The following DELE1 variants were observed in gnomAD, a reference collection of about 807,000 sequenced individuals.
The protein encoded by DELE1 is death ligand signal enhancer.
DELE1 carries 54 observed loss-of-function variants against 59.3 expected under a neutral mutation model. The ratio of observed to expected loss-of-function variants is 0.91; its 90% confidence interval spans 0.73 to 1.14. The LOEUF (loss-of-function observed/expected upper bound fraction) is 1.14, where lower values mean the gene tolerates loss of function less well. DELE1 is among the 50% of genes most tolerant of loss of function. The pLI, the probability that DELE1 is intolerant of heterozygous loss-of-function variation, is 0.00. For missense variants in DELE1, 636 were observed against 643.9 expected (o/e 0.99, Z 0.13); for synonymous variants, 264 against 259.1 (o/e 1.02, Z -0.18).
intron 2 of DELE1, 62 bp downstream of exon 2, chr5:141,924,757 T>TA (rs1408830442): frequency 1.7e-6 from 2 of 1,149,112 alleles, no homozygotes; most frequent in Non-Finnish European, 2.5e-6. Flanking sequence ...TTTATTTTTT[T>TA]TTTTTTGTTG....
intron 4 of DELE1, among the ~76,000 whole-genome samples, chr5:141,929,308 G>A (rs1751689400): frequency 6.6e-6 from 1 of 152,156 alleles, no homozygotes; most frequent in South Asian, 2.1e-4. Flanking sequence ...GAGTGCAGTG[G>A]TGTGATCTTG....
At chr5:141,928,897 G>T (rs892730476) in intron 4 of DELE1, among the ~76,000 whole-genome samples, 3 of 149,656 alleles carry the variant, frequency 2.0e-5, no homozygotes, top group Non-Finnish European at 4.4e-5. Flanking sequence ...CACATAGTAA[G>T]TGTGTAGTAA....
At chr5:141,924,830 A>C in intron 2 of DELE1, 135 bp downstream of exon 2, 1 of 608,910 alleles carries the variant, frequency 1.6e-6, no homozygotes, top group Non-Finnish European at 2.9e-6. Context: ...ATCTCAGCTC[A>C]CTGCAACCTC....
At chr5:141,932,750 G>C (rs1346044659) in intron 7 of DELE1, among the ~76,000 whole-genome samples, 2 of 152,140 alleles carry the variant, frequency 1.3e-5, no homozygotes, top group Admixed American at 1.3e-4. Context: ...TTATAGTAGG[G>C]CAGAACCCAC....
rs771049631 is a variant in DELE1, at chr5:141,938,663, T to A, written c.1452T>A (p.Ser484Arg). Residue 484 changes from serine (S) to arginine (R), a missense_variant, in exon 12 of 12, where the codon AGT (serine) becomes AGA (arginine). Transcript: ENST00000432126. ...STGNLGLLCRSGHLGASLEAS... is the reference protein window; with the variant it reads ...STGNLGLLCRRGHLGASLEAS... ...GCAACCTTGGCCTCCTCTGCAGAAG[T>A]GGGCATCTCGGAGCCAGCCTGGAAG... is the stretch of plus-strand genomic sequence containing the variant. 28 of 1,613,990 alleles carry A rather than the reference T, an allele frequency of 1.7e-5. No homozygotes were observed. The highest frequency in any genetic ancestry group is 2.7e-5 in the African/African-American group (2 of 74,900).
chr5:141,929,364 T>C (rs1039235530), intron 4 of DELE1, among the ~76,000 whole-genome samples: 1 of 152,208 alleles, frequency 6.6e-6, no homozygotes, highest in African/African-American at 2.4e-5. Context: ...TTTTCCTGCC[T>C]CAGCCTCCTG....
intron 3 of DELE1, among the ~76,000 whole-genome samples, chr5:141,926,722 T>G (rs1751454183): frequency 6.6e-6 from 1 of 152,224 alleles, no homozygotes; most frequent in African/African-American, 2.4e-5. Context: ...TACCCCTCTA[T>G]GGGGAGCTGT....
rs1280541863 is a variant in DELE1, at chr5:141,933,398, C to A, written c.894C>A (p.Ser298Arg). Residue 298 changes from serine to arginine, a missense_variant, in exon 8 of 12, where the codon AGC (serine) becomes AGA (arginine). Coordinates refer to ENST00000432126, the MANE Select transcript of DELE1 (RefSeq NM_014773.5). Reference protein sequence around the residue: ...EHGRGTPRDISKAVLYYQLAA... With the variant: ...EHGRGTPRDIRKAVLYYQLAA... ...GCAGAGGCACCCCCAGGGACATTAG[C>A]AAGGTATTCCCCTGCCCCCAAGCCT... The A allele has an allele frequency of 1.3e-6, 2 of 1,491,722 alleles. No individual in the cohort carries two copies. Among genetic ancestry groups the A allele is most frequent in the Admixed American group, 1.8e-5 (1 of 55,002 alleles). The allele number at this position is 1,491,722 out of a possible 1,614,324, so 92.4% of individuals were successfully genotyped here.
chr5:141,926,313 G>A (rs975776844), intron 3 of DELE1, among the ~76,000 whole-genome samples: 2 of 152,118 alleles, frequency 1.3e-5, no homozygotes, highest in African/African-American at 4.8e-5. Context: ...GGTAACATGC[G>A]TAGGGTCTCA....
At chr5:141,937,936 T>G (rs767891019) in intron 11 of DELE1, among the ~76,000 whole-genome samples, 1 of 150,826 alleles carries the variant, frequency 6.6e-6, no homozygotes, top group Non-Finnish European at 1.5e-5. Flanking sequence ...GCGATTCTCC[T>G]GCCTCAGCCT....
Position 141,938,645 on chromosome 5 carries a change from T to G in DELE1, c.1434T>G (p.Leu478=). The G allele has an allele frequency of 6.2e-7, 1 of 1,614,020 alleles. No homozygotes were observed. Among genetic ancestry groups the G allele is most frequent in the Non-Finnish European group, 8.5e-7 (1 of 1,180,012 alleles). Residue 478 remains leucine (L), a synonymous_variant, in exon 12 of 12, where the codon CTT becomes CTG. Transcript: ENST00000432126. The stretch of plus-strand genomic sequence containing the variant: ...CACATGCCTCGAGCACAGGCAACCT[T>G]GGCCTCCTCTGCAGAAGTGGGCATC... ...RLPHASSTGN[L]GLLCRSGHLG...
intron 3 of DELE1, among the ~76,000 whole-genome samples, chr5:141,927,736 A>G (rs773678619): frequency 2.0e-5 from 3 of 152,172 alleles, no homozygotes; most frequent in Non-Finnish European, 2.9e-5. Context: ...ACCTGTTGCT[A>G]TATTTGCAAC....
chr5:141,936,609 TG>T (rs1226236453), intron 10 of DELE1, among the ~76,000 whole-genome samples: 2 of 152,162 alleles, frequency 1.3e-5, no homozygotes, highest in Admixed American at 1.3e-4. Flanking sequence ...TAATTTTTTT[TG>T]TATTTTTAGA....
Position 141,941,153 on chromosome 5 carries a change from A to G in DELE1, c.*2394A>G. ...CTCCTCCCCTCTGTGGTCATTTTGG[A>G]TTTTCTGACTACTTCCTTCTAGCCA... On this transcript the variant is annotated 3_prime_UTR_variant, in exon 12 of 12. Transcript: ENST00000432126. 1 of 985,044 alleles carries G rather than the reference A, an allele frequency of 1.0e-6. No homozygotes were observed. Among genetic ancestry groups the G allele is most frequent in the Admixed American group, 6.2e-5 (1 of 16,260 alleles). 61.0% of individuals were successfully genotyped at this position (985,044 alleles called of 1,614,324 possible).
At position 141,933,413 on chromosome 5, in the gene DELE1, C is replaced by T. The variant is rs374861211; in HGVS notation, c.897+12C>T. 4.3e-5 allele frequency: 63 copies of T among 1,456,530 alleles called. No homozygotes were observed. The African/African-American group carries it at 8.4e-4, about 19-fold the overall frequency. 90.2% of individuals were successfully genotyped at this position (1,456,530 alleles called of 1,614,324 possible). A position where few individuals can be genotyped will look rare whatever the true frequency, so the allele number is the denominator to read the frequency against. ...GGGACATTAGCAAGGTATTCCCCTG[C>T]CCCCAAGCCTGCCTTCTGTGCTGGG... On this transcript the variant is annotated intron_variant, in intron 8 of 11. Transcript: ENST00000432126.
At chr5:141,929,238 C>G (rs973837145) in intron 4 of DELE1, among the ~76,000 whole-genome samples, 2 of 152,142 alleles carry the variant, frequency 1.3e-5, no homozygotes, top group Non-Finnish European at 2.9e-5. Context: ...TGATCCTCTT[C>G]TGACCTGATC....
rs567578043 is a variant in DELE1, at chr5:141,941,798, T to C, written c.*3039T>C. On this transcript the variant is annotated 3_prime_UTR_variant, in exon 12 of 12. Transcript: ENST00000432126. ...GGGGCACTCAGATGTTCAGTAAATA[T>C]ACATTCAACAAATAAGTGAGTGATT... 1.8e-5 allele frequency: 18 copies of C among 985,388 alleles called. No individual in the cohort carries two copies. In the South Asian group the frequency reaches 7.0e-4, roughly 39 times the overall value. 61.0% of individuals were successfully genotyped at this position (985,388 alleles called of 1,614,324 possible). A position where few individuals can be genotyped will look rare whatever the true frequency, so the allele number is the denominator to read the frequency against.
At position 141,937,215 on chromosome 5, in the gene DELE1, C is replaced by T. The variant is rs1752428715; in HGVS notation, c.1167C>T (p.Tyr389=). ...CTCCTTAGGACTCACAGAGCAGGTACCACCTTGGAATTTGCTATGAGAAAG... is the reference window on the plus strand; with the variant it reads ...CTCCTTAGGACTCACAGAGCAGGTATCACCTTGGAATTTGCTATGAGAAAG... ...AANNGDSQSR[Y]HLGICYEKGL... The change falls in exon 11 of 12, where the codon TAC becomes TAT. Residue 389 remains tyrosine, a synonymous_variant. Transcript: ENST00000432126. The T allele has an allele frequency of 6.2e-7, 1 of 1,614,070 alleles. No individual in the cohort carries two copies. Among genetic ancestry groups the T allele is most frequent in the Non-Finnish European group, 8.5e-7 (1 of 1,180,034 alleles).
At position 141,940,950 on chromosome 5, in the gene DELE1, A is replaced by T. The variant is rs1029993665; in HGVS notation, c.*2191A>T. On this transcript the variant is annotated 3_prime_UTR_variant, in exon 12 of 12. Transcript: ENST00000432126. ...CCCTTTTTATAGATTCACAATACAC[A>T]TCAGCATATTTGAGGTTCCAAGAAG... The T allele has an allele frequency of 2.1e-6, 2 of 968,834 alleles. No homozygotes were observed. Among genetic ancestry groups the T allele is most frequent in the Admixed American group, 1.2e-4 (2 of 16,254 alleles). The allele number at this position is 968,834 out of a possible 1,614,324, so 60.0% of individuals were successfully genotyped here. A position where few individuals can be genotyped will look rare whatever the true frequency, so the allele number is the denominator to read the frequency against.
Sources: gnomAD v4.1 joint callset for allele counts (sites outside exome capture counted in the v4.1 genomes callset) on GRCh38, gnomAD v4.1.1 for gene constraint, MANE v1.5 for transcripts, NCBI Gene and HGNC (gene_info 2026-07-23, HGNC 2026-07-21) for gene names.